Variants in WT1 observed in about 807,000 individuals in gnomAD.
The protein encoded by WT1 is WT1 transcription factor, also known as Wilms tumor protein.
WT1 carries 8 observed loss-of-function variants against 60.8 expected under a neutral mutation model. The observed-to-expected ratio is 0.13, with a 90% confidence interval of 0.08 to 0.24. WT1 has a LOEUF of 0.24. WT1 is among the 10% of genes least tolerant of loss of function. The pLI is 1.00. For missense variants in WT1, 568 were observed against 711.8 expected (o/e 0.80, Z 2.30); for synonymous variants, 312 against 297.1 (o/e 1.05, Z -0.52).
intron 1 of WT1, chr11:32,430,432 C>CAG (rs370524588): frequency 4.4e-4 from 474 of 1,083,816 alleles, no homozygotes; most frequent in African/African-American, 9.8e-4. Flanking sequence ...GAGACAGACA[C>CAG]AGAGAGAGAG....
At chr11:32,424,937 C>G (rs543108908) in intron 3 of WT1, among the ~76,000 whole-genome samples, 2 of 152,076 alleles carry the variant, frequency 1.3e-5, no homozygotes, top group African/African-American at 4.8e-5. Flanking sequence ...CAGCACTTTT[C>G]GAGGCCAAGG....
At chr11:32,412,083 G>A (rs565391962) in intron 5 of WT1, among the ~76,000 whole-genome samples, 179 of 152,208 alleles carry the variant, frequency 1.2e-3, no homozygotes, top group African/African-American at 4.2e-3. Flanking sequence ...TCTCTTGGAC[G>A]GATACCTTAT....
chr11:32,408,384 G>A (rs1304758220), intron 5 of WT1, among the ~76,000 whole-genome samples: 1 of 151,216 alleles, frequency 6.6e-6, no homozygotes, highest in Non-Finnish European at 1.5e-5. Flanking sequence ...GTGTCGTGGC[G>A]GGCACCTGTA....
intron 5 of WT1, among the ~76,000 whole-genome samples, chr11:32,410,451 A>G (rs950726539): frequency 4.6e-5 from 7 of 152,094 alleles, no homozygotes; most frequent in African/African-American, 1.7e-4. Flanking sequence ...TCTTAAATCC[A>G]TCTGTTTCAG....
In WT1 at chr11:32,389,182, G is replaced by T. The variant is rs904330511; in HGVS notation, c.1448-3C>A. ...CCGACAGCTGAAGGGCTTTTCACCT[G>T]TTGACACAATTGCCAGTCAGAGACA... On this transcript the variant is annotated splice_region_variant and splice_polypyrimidine_tract_variant and intron_variant, in intron 9 of 9. Transcript: ENST00000452863. 1.2e-6 allele frequency: 2 copies of T among 1,614,016 alleles called. No homozygotes were observed. Among genetic ancestry groups the T allele is most frequent in the Admixed American group, 3.3e-5 (2 of 60,008 alleles).
chr11:32,430,531 C>T, intron 1 of WT1: 2 of 1,600,214 alleles, frequency 1.2e-6, no homozygotes, highest in Non-Finnish European at 1.7e-6. Context: ...TAGACGAACC[C>T]TTCTCCATTC....
chr11:32,430,639 C>A (rs1342003623), intron 1 of WT1: 5 of 1,515,928 alleles, frequency 3.3e-6, no homozygotes, highest in South Asian at 1.3e-5. Flanking sequence ...GGTCCCGAGT[C>A]GCGGCACCCA....
rs148635596 is a variant in WT1 at position 32,417,322 on chromosome 11, A to G, written c.965+255T>C. 2.1e-3 allele frequency: 1,041 copies of G among 503,550 alleles called. 1 individual carries two copies. Among genetic ancestry groups the G allele is most frequent in the Admixed American group, 4.5e-3 (127 of 28,262 alleles). The allele number at this position is 503,550 out of a possible 1,614,324, so 31.2% of individuals were successfully genotyped here. A position where few individuals can be genotyped will look rare whatever the true frequency, so the allele number is the denominator to read the frequency against. ...TTGAATAGCCTTTGAAGAATTATAA[A>G]ACATTCAACAAGACCATAATAAGTG... is the stretch of plus-strand genomic sequence containing the variant. On this transcript the variant is annotated intron_variant, in intron 4 of 9. Coordinates refer to ENST00000452863, the MANE Select transcript of WT1 (RefSeq NM_024426.6).
At chr11:32,408,120 G>A (rs11031770) in intron 5 of WT1, among the ~76,000 whole-genome samples, 42,357 of 151,448 alleles carry the variant, frequency 0.28, 6,687 homozygotes, top group East Asian at 0.68. Flanking sequence ...CTACTCGGGA[G>A]GCTAAGGCAG....
chr11:32,389,661 T>C (rs577232828), intron 9 of WT1, among the ~76,000 whole-genome samples: 1 of 152,294 alleles, frequency 6.6e-6, no homozygotes, highest in East Asian at 1.9e-4. Flanking sequence ...TTAACACTTC[T>C]ATCTGTGTAG....
intron 5 of WT1, among the ~76,000 whole-genome samples, chr11:32,412,007 C>A (rs914673038): frequency 6.6e-6 from 1 of 152,208 alleles, no homozygotes; most frequent in African/African-American, 2.4e-5. Context: ...AGGCTCCCCA[C>A]CTTCACTTTG....
intron 7 of WT1, among the ~76,000 whole-genome samples, chr11:32,393,080 C>T (rs896347880): frequency 2.0e-5 from 3 of 152,072 alleles, no homozygotes; most frequent in African/African-American, 7.2e-5. Context: ...AGGGCTCAGC[C>T]CAGAGCCTGG....
intron 5 of WT1, among the ~76,000 whole-genome samples, chr11:32,412,097 C>A (rs1209529777): frequency 6.6e-6 from 1 of 152,104 alleles, no homozygotes; most frequent in Non-Finnish European, 1.5e-5. Flanking sequence ...ACCTTATGTT[C>A]ACGAGCCCGC....
chr11:32,418,718 T>C (rs967338545), intron 3 of WT1, among the ~76,000 whole-genome samples: 11 of 152,176 alleles, frequency 7.2e-5, no homozygotes, highest in Non-Finnish European at 1.6e-4. Flanking sequence ...AAAGGCTTTT[T>C]TCAGGCCAAG....
rs1036202266 is a variant in WT1, at chr11:32,414,506, C to T, written c.1016+1984G>A. Among the ~76,000 whole-genome samples the T allele has an allele frequency of 3.3e-5, 5 of 152,190 alleles. 1 individual carries two copies. The highest frequency in any genetic ancestry group is 3.3e-4 in the Admixed American group (5 of 15,278). On this transcript the variant is annotated intron_variant, in intron 5 of 9. Coordinates refer to ENST00000452863, the MANE Select transcript of WT1 (RefSeq NM_024426.6). The stretch of plus-strand genomic sequence containing the variant: ...TCCAAGCTGATCTCAAACTCCTGAG[C>T]TCAAGTGATCCACCCACCTCAGCCT...
chr11:32,424,744 G>A (rs1852970164), intron 3 of WT1, among the ~76,000 whole-genome samples: 1 of 152,192 alleles, frequency 6.6e-6, no homozygotes, highest in South Asian at 2.1e-4. Context: ...TGAGAGAAAG[G>A]AGGGAATTGT....
At position 32,406,834 on chromosome 11, in the gene WT1, C is replaced by T. The variant is rs188197149; in HGVS notation, c.1017-6790G>A. Among the ~76,000 whole-genome samples the T allele has an allele frequency of 5.3e-5, 8 of 152,226 alleles. 1 individual carries two copies. In the East Asian group the frequency reaches 9.6e-4, roughly 18 times the overall value. On this transcript the variant is annotated intron_variant, in intron 5 of 9. Transcript: ENST00000452863. ...ATAAACACGGCCGGGTGCAGTGGCTCATGCTGGTAATCCCAGCACTTTGGG... is the reference window on the plus strand; with the variant it reads ...ATAAACACGGCCGGGTGCAGTGGCTTATGCTGGTAATCCCAGCACTTTGGG...
At chr11:32,403,262 T>C (rs566571048) in intron 5 of WT1, among the ~76,000 whole-genome samples, 1 of 152,206 alleles carries the variant, frequency 6.6e-6, no homozygotes, top group South Asian at 2.1e-4. Context: ...CACTTCCCAA[T>C]GTAGTGTGCC....
intron 3 of WT1, among the ~76,000 whole-genome samples, chr11:32,423,233 A>G (rs948452974): frequency 6.6e-6 from 1 of 152,216 alleles, no homozygotes; most frequent in African/African-American, 2.4e-5. Context: ...TCCTGGAAGC[A>G]GTCATTCTTT....
Sources: allele counts gnomAD v4.1 joint callset (sites outside exome capture counted in the v4.1 genomes callset), GRCh38; gene constraint gnomAD v4.1.1; transcripts MANE v1.5; gene names NCBI Gene and HGNC (gene_info 2026-07-23, HGNC 2026-07-21).